The following CNTNAP2 variants were observed in gnomAD, a reference collection of about 807,000 sequenced individuals.
The protein encoded by CNTNAP2 is contactin-associated protein-like 2.
A neutral mutation model predicts 155.2 loss-of-function variants in CNTNAP2; 98 were observed. That is an observed-to-expected ratio of 0.63 (90% CI 0.54 to 0.75). The LOEUF is 0.75. CNTNAP2 is among the 30% of genes least tolerant of loss of function. The pLI is 0.00. For synonymous variants in CNTNAP2, 651 were observed against 631.2 expected (o/e 1.03, Z -0.47); for missense variants, 1,727 against 1,688.1 (o/e 1.02, Z -0.40).
chr7:148,205,738 T>C (rs1795438095), intron 18 of CNTNAP2, among the ~76,000 whole-genome samples: 1 of 152,236 alleles, frequency 6.6e-6, no homozygotes, highest in South Asian at 2.1e-4. Flanking sequence ...GTGATCCAAC[T>C]AGTTGAAGAA....
intron 3 of CNTNAP2, among the ~76,000 whole-genome samples, chr7:146,878,229 G>C (rs536332822): frequency 1.3e-5 from 2 of 152,048 alleles, no homozygotes; most frequent in Non-Finnish European, 2.9e-5. Flanking sequence ...GCTGACTTCT[G>C]TCAGTGACAT....
intron 12 of CNTNAP2, among the ~76,000 whole-genome samples, chr7:147,595,657 C>T (rs1477836180): frequency 1.3e-5 from 2 of 152,156 alleles, no homozygotes; most frequent in Non-Finnish European, 2.9e-5. Context: ...AATGCTTTTC[C>T]AATTACAGCT....
chr7:148,061,034 T>A (rs1287707226), intron 15 of CNTNAP2, among the ~76,000 whole-genome samples: 1 of 152,296 alleles, frequency 6.6e-6, no homozygotes, highest in Non-Finnish European at 1.5e-5. Flanking sequence ...ATTAAAGCAA[T>A]CTCTAAAGGA....
intron 10 of CNTNAP2, among the ~76,000 whole-genome samples, chr7:147,440,483 T>C (rs1167501547): frequency 6.6e-6 from 1 of 152,192 alleles, no homozygotes; most frequent in Non-Finnish European, 1.5e-5. Context: ...TTAGTCTTTC[T>C]AGTTAAGATA....
At chr7:146,765,359 C>T (rs1162914146) in intron 1 of CNTNAP2, among the ~76,000 whole-genome samples, 2 of 152,076 alleles carry the variant, frequency 1.3e-5, no homozygotes, top group Admixed American at 6.6e-5. Context: ...GGGATGAAGC[C>T]ATTTCTCTTT....
chr7:147,559,672 A>G (rs1308778457), intron 11 of CNTNAP2, among the ~76,000 whole-genome samples: 2 of 152,162 alleles, frequency 1.3e-5, no homozygotes, highest in Non-Finnish European at 2.9e-5. Context: ...AAAGGGACTA[A>G]GAGGAAAACT....
chr7:146,592,144 C>T (rs1451887002), intron 1 of CNTNAP2, among the ~76,000 whole-genome samples: 2 of 152,130 alleles, frequency 1.3e-5, no homozygotes, highest in African/African-American at 4.8e-5. Context: ...AAAGCCAGTG[C>T]CAGCTCTGTT....
At chr7:147,077,834 A>T (rs1249968514) in intron 4 of CNTNAP2, among the ~76,000 whole-genome samples, 1 of 152,212 alleles carries the variant, frequency 6.6e-6, no homozygotes. Flanking sequence ...TGGAACATAT[A>T]GCAAGTACTA....
At chr7:148,146,439 A>G (rs1805179515) in intron 16 of CNTNAP2, among the ~76,000 whole-genome samples, 1 of 152,272 alleles carries the variant, frequency 6.6e-6, no homozygotes, top group South Asian at 2.1e-4. Flanking sequence ...AACATAAAAT[A>G]TAAAATGTGA....
intron 13 of CNTNAP2, among the ~76,000 whole-genome samples, chr7:147,841,070 T>A (rs1159156611): frequency 6.6e-6 from 1 of 152,142 alleles, no homozygotes; most frequent in African/African-American, 2.4e-5. Context: ...TAGTTTTTAA[T>A]CAATGTATTA....
At chr7:147,855,294 G>T (rs1304386471) in intron 13 of CNTNAP2, among the ~76,000 whole-genome samples, 1 of 152,080 alleles carries the variant, frequency 6.6e-6, no homozygotes, top group Non-Finnish European at 1.5e-5. Flanking sequence ...GCCAGTTTGT[G>T]TCTCTGCATG....
intron 1 of CNTNAP2, among the ~76,000 whole-genome samples, chr7:146,755,967 G>T (rs1459373924): frequency 1.3e-5 from 2 of 152,008 alleles, no homozygotes; most frequent in South Asian, 4.2e-4. Flanking sequence ...TTATGAATAT[G>T]AAACGAAAGT....
intron 3 of CNTNAP2, among the ~76,000 whole-genome samples, chr7:146,954,997 A>C (rs1181308797): frequency 6.6e-6 from 1 of 151,986 alleles, no homozygotes; most frequent in Non-Finnish European, 1.5e-5. Flanking sequence ...GGAAACAAAA[A>C]AGATATTTTA....
At chr7:146,285,762 T>C (rs1256506209) in intron 1 of CNTNAP2, among the ~76,000 whole-genome samples, 1 of 2,204 alleles carries the variant, frequency 4.5e-4, no homozygotes, top group African/African-American at 2.3e-3. Flanking sequence ...TCCTTTCCCC[T>C]CCCCCCTCCC....
At chr7:148,264,215 T>C (rs1408790119) in intron 20 of CNTNAP2, among the ~76,000 whole-genome samples, 2 of 152,222 alleles carry the variant, frequency 1.3e-5, no homozygotes. Flanking sequence ...GTATATTTAT[T>C]GAGACAGAAG....
At chr7:147,583,514 A>ATATATATATACATATATATATATATATG in intron 12 of CNTNAP2, among the ~76,000 whole-genome samples, 1 of 145,396 alleles carries the variant, frequency 6.9e-6, no homozygotes, top group African/African-American at 2.6e-5. Context: ...ATATATATAT[A>ATATATATATACATATATATATATATATG]TATATATATA....
chr7:146,452,503 T>C (rs1796498894), intron 1 of CNTNAP2, among the ~76,000 whole-genome samples: 1 of 152,234 alleles, frequency 6.6e-6, no homozygotes, highest in Non-Finnish European at 1.5e-5. Flanking sequence ...TAACAGTGTT[T>C]GCCTTATATC....
At chr7:146,855,494 G>A (rs532375789) in intron 3 of CNTNAP2, among the ~76,000 whole-genome samples, 1 of 152,160 alleles carries the variant, frequency 6.6e-6, no homozygotes, top group Admixed American at 6.6e-5. Flanking sequence ...ATACACAGCA[G>A]CTGTGAAGAA....
At chr7:147,586,081 T>C (rs1340778523) in intron 12 of CNTNAP2, among the ~76,000 whole-genome samples, 1 of 152,108 alleles carries the variant, frequency 6.6e-6, no homozygotes, top group Non-Finnish European at 1.5e-5. Context: ...GCTTCCAGGT[T>C]ATAGGTAAAT....
Sources: allele counts gnomAD v4.1 joint callset (sites outside exome capture counted in the v4.1 genomes callset), GRCh38; gene constraint gnomAD v4.1.1; transcripts MANE v1.5; gene names NCBI Gene and HGNC (gene_info 2026-07-23, HGNC 2026-07-21).